The following SETBP1 variants were observed in gnomAD, a reference collection of about 807,000 sequenced individuals.
SETBP1 encodes the protein SET binding protein 1, also known as SET-binding protein.
A neutral mutation model predicts 101.0 loss-of-function variants in SETBP1; 9 were observed. The observed-to-expected ratio is 0.09, with a 90% CI of 0.05 to 0.16. SETBP1 has a LOEUF of 0.16. Ranked by LOEUF, SETBP1 falls within the 10% of genes least tolerant of loss-of-function variation. SETBP1 has a pLI of 1.00. For synonymous variants in SETBP1, 818 were observed against 788.5 expected (o/e 1.04, Z -0.63); for missense variants, 1,858 against 2,033.8 (o/e 0.91, Z 1.66).
chr18:44,815,491 C>G (rs528295958), intron 2 of SETBP1, among the ~76,000 whole-genome samples: 1 of 152,188 alleles, frequency 6.6e-6, no homozygotes, highest in Non-Finnish European at 1.5e-5. Context: ...TCTTTGGCTA[C>G]TGTTTACTTT....
At chr18:45,033,948 T>C (rs1004549470) in intron 4 of SETBP1, among the ~76,000 whole-genome samples, 8 of 152,212 alleles carry the variant, frequency 5.3e-5, no homozygotes, top group African/African-American at 1.9e-4. Context: ...CCACAAAGAT[T>C]TTTGTTTGTT....
chr18:45,001,074 A>G (rs898664435), intron 4 of SETBP1, among the ~76,000 whole-genome samples: 1 of 151,902 alleles, frequency 6.6e-6, no homozygotes, highest in Non-Finnish European at 1.5e-5. Context: ...TCATTCATTC[A>G]TTCTCCATTT....
intron 2 of SETBP1, among the ~76,000 whole-genome samples, chr18:44,739,442 G>T (rs922851961): frequency 1.6e-4 from 24 of 152,078 alleles, no homozygotes; most frequent in African/African-American, 5.8e-4. Context: ...TTATACTGGG[G>T]AATGAAATAA....
intron 2 of SETBP1, among the ~76,000 whole-genome samples, chr18:44,744,927 C>T (rs1210518555): frequency 3.3e-5 from 5 of 152,068 alleles, no homozygotes; most frequent in Non-Finnish European, 5.9e-5. Context: ...GGATTGATTT[C>T]GGGGCCTTTG....
At chr18:44,993,444 A>G (rs564153910) in intron 4 of SETBP1, among the ~76,000 whole-genome samples, 40 of 152,092 alleles carry the variant, frequency 2.6e-4, no homozygotes, top group Non-Finnish European at 4.9e-4. Flanking sequence ...TAATAAAAGT[A>G]TAAGACTAAA....
At chr18:44,682,097 GT>G (rs1317943270) in intron 1 of SETBP1, among the ~76,000 whole-genome samples, 3 of 151,264 alleles carry the variant, frequency 2.0e-5, no homozygotes, top group African/African-American at 4.9e-5. Flanking sequence ...TTCTTTTTCT[GT>G]AGATTTATAC....
chr18:44,720,909 C>T (rs550835018), intron 2 of SETBP1, among the ~76,000 whole-genome samples: 4 of 131,042 alleles, frequency 3.1e-5, no homozygotes, highest in Non-Finnish European at 6.7e-5. Flanking sequence ...CAACCCCCAC[C>T]CCCCACCCCA....
chr18:44,925,160 A>G (rs891454944), intron 3 of SETBP1, among the ~76,000 whole-genome samples: 10 of 151,512 alleles, frequency 6.6e-5, no homozygotes, highest in Admixed American at 6.6e-4. Flanking sequence ...CCCATGAGGC[A>G]GTAACCATAA....
chr18:44,749,750 G>A (rs2070340527), intron 2 of SETBP1, among the ~76,000 whole-genome samples: 1 of 152,154 alleles, frequency 6.6e-6, no homozygotes, highest in South Asian at 2.1e-4. Context: ...GTAAAAAATT[G>A]TGCATCCTAT....
intron 2 of SETBP1, among the ~76,000 whole-genome samples, chr18:44,723,128 A>C (rs1831777549): frequency 6.6e-6 from 1 of 152,216 alleles, no homozygotes. Flanking sequence ...AACACTAGGC[A>C]TAACTGGGTT....
In SETBP1 at chr18:44,952,355, C is replaced by T. The variant is rs1300460468; in HGVS notation, c.3015C>T (p.Leu1005=). ...PVPYIQYDPL[L]YLRRTSDLKS... is the part of the protein sequence containing the mutation. ...CATATATCCAGTATGACCCGTTGCT[C>T]TATCTTCGTAGGACTTCAGACTTGA... is the stretch of plus-strand genomic sequence containing the variant. The change falls in exon 4 of 6, where the codon CTC becomes CTT. Residue 1005 remains leucine, a synonymous_variant. Coordinates refer to ENST00000649279, the MANE Select transcript of SETBP1 (RefSeq NM_015559.3). 6.2e-7 allele frequency: 1 copy of T among 1,614,142 alleles called. No homozygotes were observed. The highest frequency in any genetic ancestry group is 1.7e-5 in the Admixed American group (1 of 60,020).
chr18:44,796,520 T>C (rs2071478478), intron 2 of SETBP1, among the ~76,000 whole-genome samples: 1 of 152,220 alleles, frequency 6.6e-6, no homozygotes, highest in Non-Finnish European at 1.5e-5. Context: ...CCACAATCTG[T>C]ATTTGTTAAA....
At chr18:44,767,163 G>A (rs1410585888) in intron 2 of SETBP1, among the ~76,000 whole-genome samples, 1 of 152,232 alleles carries the variant, frequency 6.6e-6, no homozygotes, top group Non-Finnish European at 1.5e-5. Context: ...AGCTCCCACA[G>A]GAAGTAGTCA....
At chr18:44,693,286 C>T (rs576093125) in intron 1 of SETBP1, among the ~76,000 whole-genome samples, 10 of 152,236 alleles carry the variant, frequency 6.6e-5, no homozygotes, top group African/African-American at 2.2e-4. Flanking sequence ...CTGTGCCAAG[C>T]CCTGGGGGTG....
rs67481705 is a variant in SETBP1 at position 44,964,591 on chromosome 18, T to TA, written c.4000+11264dup. Among the ~76,000 whole-genome samples the TA allele has an allele frequency of 2.6e-3, 383 of 146,172 alleles. 1 individual carries two copies. The highest frequency in any genetic ancestry group is 7.1e-3 in the Middle Eastern group (2 of 280). On this transcript the variant is annotated intron_variant, in intron 4 of 5. Coordinates refer to ENST00000649279, the MANE Select transcript of SETBP1 (RefSeq NM_015559.3). ...TTATTTGAAAACGTTTTTATTATCT[T>TA]AAAAAAAAAAAAACCCTGTTAATAA...
chr18:44,793,896 G>A (rs2071416225), intron 2 of SETBP1, among the ~76,000 whole-genome samples: 1 of 152,198 alleles, frequency 6.6e-6, no homozygotes. Context: ...AAAGGATTGT[G>A]GAGGACATGT....
rs150129719 is a variant in SETBP1, at chr18:45,018,772, T to C, written c.4001-19713T>C. 2.0e-3 allele frequency among the ~76,000 whole-genome samples: 311 copies of C among 152,358 alleles called. 5 individuals are homozygous for C. Among genetic ancestry groups the C allele is most frequent in the African/African-American group, 7.1e-3 (297 of 41,584 alleles). On this transcript the variant is annotated intron_variant, in intron 4 of 5. Transcript: ENST00000649279. ...GGTTAAAGATGTATCTGATTGATTC[T>C]ATGAATTCGAAATGTCATGTGGCTA...
In SETBP1 at chr18:44,701,774, G is replaced by A. The variant is rs773971820; in HGVS notation, c.428G>A (p.Arg143His). ...CAGTCTGGGGACCAGAAGGTGTCCC[G>A]TGCTGGAAAAAATAGCAAAGCCACG... is the stretch of plus-strand genomic sequence containing the variant. ...IKQSGDQKVS[R>H]AGKNSKATKE... The change falls in exon 2 of 6, where the codon CGT (arginine) becomes CAT (histidine). Residue 143 changes from arginine (R) to histidine (H), a missense_variant. By Grantham distance (29) the Arg-to-His change is conservative (BLOSUM62 0). Transcript: ENST00000649279. 36 of 1,613,822 alleles carry A rather than the reference G, an allele frequency of 2.2e-5. No homozygotes were observed. The highest frequency in any genetic ancestry group is 5.3e-5 in the African/African-American group (4 of 75,022).
chr18:44,721,574 C>T (rs2069596831), intron 2 of SETBP1, among the ~76,000 whole-genome samples: 1 of 140,516 alleles, frequency 7.1e-6, no homozygotes, highest in African/African-American at 2.7e-5. Context: ...CTCTTCTTTT[C>T]TACCCCTTTC....
Sources: gnomAD v4.1 joint callset for allele counts (sites outside exome capture counted in the v4.1 genomes callset) on GRCh38, gnomAD v4.1.1 for gene constraint, MANE v1.5 for transcripts, NCBI Gene and HGNC (gene_info 2026-07-23, HGNC 2026-07-21) for gene names.